Variants in ROBO2 observed in about 807,000 individuals in gnomAD.
The protein encoded by ROBO2 is roundabout homolog 2.
Under a neutral mutation model 160.8 loss-of-function variants are expected in ROBO2, and 53 were observed. The ratio of observed to expected loss-of-function variants is 0.33; its 90% confidence interval spans 0.26 to 0.41. The LOEUF is 0.41. Ranked by LOEUF, ROBO2 falls within the 10% of genes least tolerant of loss-of-function variation. The pLI is 1.00. For missense variants in ROBO2, 1,577 were observed against 1,722.4 expected, an observed-to-expected ratio of 0.92 and a Z score of 1.49; for synonymous variants, 664 against 611.7, an observed-to-expected ratio of 1.09 and a Z score of -1.26.
chr3:76,960,010 G>A (rs984423246), intron 2 of ROBO2, among the ~76,000 whole-genome samples: 2 of 151,358 alleles, frequency 1.3e-5, no homozygotes, highest in East Asian at 3.9e-4. Context: ...TTAATGGCTT[G>A]TATTCTATGT....
chr3:77,182,243 G>A (rs114775147), intron 2 of ROBO2, among the ~76,000 whole-genome samples: 4,008 of 152,166 alleles, frequency 0.026, 80 homozygotes, highest in Middle Eastern at 0.068. Flanking sequence ...TATATTTATG[G>A]TGGTGGAAAA....
intron 2 of ROBO2, among the ~76,000 whole-genome samples, chr3:77,022,752 A>G (rs1383546944): frequency 6.6e-6 from 1 of 152,192 alleles, no homozygotes; most frequent in Non-Finnish European, 1.5e-5. Context: ...TCCTAAAATG[A>G]CATGAGAATT....
At chr3:76,273,789 G>A (rs1707754735) in intron 2 of ROBO2, among the ~76,000 whole-genome samples, 1 of 152,100 alleles carries the variant, frequency 6.6e-6, no homozygotes, top group Non-Finnish European at 1.5e-5. Context: ...TGACATGTGG[G>A]GATTATGGGA....
At position 75,995,717 on chromosome 3, in the gene ROBO2, G is replaced by A. The variant is rs557924841; in HGVS notation, c.109+58115G>A. On this transcript the variant is annotated intron_variant, in intron 2 of 26. Coordinates refer to the ROBO2 transcript ENST00000487694. ...TGCACCAGGGAAAGCTGCAGACACT[G>A]AAAGCCAGCCCACAAAAGCAGTTGG... is the stretch of plus-strand genomic sequence containing the variant. Among the ~76,000 whole-genome samples, 27 of 152,264 alleles carry A rather than the reference G, an allele frequency of 1.8e-4. 1 individual carries two copies. The South Asian group carries it at 3.5e-3, about 20-fold the overall frequency.
At chr3:76,233,179 T>C (rs1397545169) in intron 2 of ROBO2, among the ~76,000 whole-genome samples, 1 of 152,118 alleles carries the variant, frequency 6.6e-6, no homozygotes, top group Non-Finnish European at 1.5e-5. Flanking sequence ...AGTCTCACTC[T>C]TGTCTCCCCG....
intron 2 of ROBO2, among the ~76,000 whole-genome samples, chr3:76,180,661 AATTTCTTTTCC>A (rs1186107306): frequency 6.6e-6 from 1 of 152,078 alleles, no homozygotes; most frequent in African/African-American, 2.4e-5. Flanking sequence ...AAGCCAAGCT[AATTTCTTTTCC>A]ATTTCTTCAC....
At chr3:77,573,917 A>G (rs1264492316) in intron 13 of ROBO2, among the ~76,000 whole-genome samples, 1 of 150,934 alleles carries the variant, frequency 6.6e-6, no homozygotes, top group African/African-American at 2.4e-5. Context: ...TTCTACCTGG[A>G]CTCCATCTTC....
chr3:76,409,725 C>T (rs1458163874), intron 2 of ROBO2, among the ~76,000 whole-genome samples: 1 of 152,058 alleles, frequency 6.6e-6, no homozygotes, highest in African/African-American at 2.4e-5. Context: ...GAACTTCAGC[C>T]TTCACATTGT....
At chr3:77,131,040 A>G (rs1289794348) in intron 2 of ROBO2, among the ~76,000 whole-genome samples, 2 of 152,126 alleles carry the variant, frequency 1.3e-5, no homozygotes, top group African/African-American at 4.8e-5. Flanking sequence ...ATATTATTGG[A>G]TAAGTTTGGG....
intron 2 of ROBO2, among the ~76,000 whole-genome samples, chr3:76,428,472 C>T (rs972303685): frequency 5.9e-5 from 9 of 151,910 alleles, no homozygotes; most frequent in Non-Finnish European, 1.2e-4. Context: ...ATGTCTATTT[C>T]GAATGTTAAA....
intron 1 of ROBO2, among the ~76,000 whole-genome samples, chr3:75,930,677 C>T (rs757945109): frequency 2.2e-4 from 34 of 152,194 alleles, no homozygotes; most frequent in Non-Finnish European, 4.1e-4. Context: ...TAACATGTCC[C>T]GGTTTCCCAC....
intron 2 of ROBO2, among the ~76,000 whole-genome samples, chr3:76,933,941 T>G (rs1471710968): frequency 6.6e-6 from 1 of 152,204 alleles, no homozygotes; most frequent in Non-Finnish European, 1.5e-5. Context: ...ATTGCTTATA[T>G]AAAAATAGTT....
chr3:76,353,864 T>C (rs1423106606), intron 2 of ROBO2, among the ~76,000 whole-genome samples: 1 of 151,922 alleles, frequency 6.6e-6, no homozygotes, highest in Admixed American at 6.6e-5. Flanking sequence ...TTTCTTTGCA[T>C]AACAACGTCT....
intron 2 of ROBO2, among the ~76,000 whole-genome samples, chr3:77,288,162 A>C (rs1418839513): frequency 6.6e-6 from 1 of 152,196 alleles, no homozygotes; most frequent in Non-Finnish European, 1.5e-5. Flanking sequence ...TGCAAAATTG[A>C]CCGAGCATGA....
Position 76,465,998 on chromosome 3 carries a change from G to GGTGTGTGTGTGTGT in ROBO2, c.109+528415_109+528428dup, listed in dbSNP as rs57838247. Among the ~76,000 whole-genome samples the GGTGTGTGTGTGTGT allele has an allele frequency of 2.8e-3, 414 of 147,662 alleles. 3 individuals carry two copies. The highest frequency in any genetic ancestry group is 7.9e-3 in the Admixed American group (115 of 14,620). On this transcript the variant is annotated intron_variant, in intron 2 of 26. Coordinates refer to the ROBO2 transcript ENST00000487694. ...GTTAAAATATCCTGGATAAAATATGGGTGTGTGTGTGTGTGTGTGTGTGTG... is the reference window on the plus strand; with the variant it reads ...GTTAAAATATCCTGGATAAAATATGGGTGTGTGTGTGTGTGTGTGTGTGTGTGTGTGTGTGTGTG...
intron 2 of ROBO2, among the ~76,000 whole-genome samples, chr3:76,833,166 G>T (rs1467511574): frequency 6.6e-6 from 1 of 152,144 alleles, no homozygotes; most frequent in Non-Finnish European, 1.5e-5. Context: ...TTTACCTCTT[G>T]AGATTTCAGT....
intron 2 of ROBO2, among the ~76,000 whole-genome samples, chr3:75,961,045 A>C (rs1393305558): frequency 6.6e-6 from 1 of 151,628 alleles, no homozygotes; most frequent in Non-Finnish European, 1.5e-5. Flanking sequence ...GTTATTTGTA[A>C]AAATTTACAG....
At chr3:77,315,886 A>ATT (rs58618844) in intron 2 of ROBO2, among the ~76,000 whole-genome samples, 57 of 150,122 alleles carry the variant, frequency 3.8e-4, no homozygotes, top group African/African-American at 7.8e-4. Flanking sequence ...ATTGCCCAGC[A>ATT]TTTTTTTTTT....
intron 2 of ROBO2, among the ~76,000 whole-genome samples, chr3:77,440,317 C>T (rs1341769397): frequency 6.6e-6 from 1 of 152,114 alleles, no homozygotes; most frequent in Non-Finnish European, 1.5e-5. Context: ...TGCTATTTTA[C>T]ATCCTTGTTT....
Sources: gnomAD v4.1 joint callset for allele counts (sites outside exome capture counted in the v4.1 genomes callset) on GRCh38, gnomAD v4.1.1 for gene constraint, MANE v1.5 for transcripts, NCBI Gene and HGNC (gene_info 2026-07-23, HGNC 2026-07-21) for gene names.